Variants in PTCD1 observed in about 807,000 individuals in gnomAD.
PTCD1 encodes the protein pentatricopeptide repeat domain 1, also known as pentatricopeptide repeat-containing protein 1, mitochondrial.
A neutral mutation model predicts 53.4 loss-of-function variants in PTCD1; 50 were observed. That is an observed-to-expected ratio of 0.94 (90% CI 0.75 to 1.19). The LOEUF is 1.19. Ranked by LOEUF, PTCD1 falls within the 50% of genes most tolerant of loss-of-function variation. PTCD1 has a pLI of 0.00. For synonymous variants in PTCD1, 413 were observed against 394.8 expected (o/e 1.05, Z -0.55); for missense variants, 918 against 904.8 (o/e 1.01, Z -0.19).
intron 2 of PTCD1, among the ~76,000 whole-genome samples, chr7:99,434,546 A>C (rs1796386135): frequency 6.7e-6 from 1 of 148,898 alleles, no homozygotes; most frequent in Non-Finnish European, 1.5e-5. Flanking sequence ...TCTGTGACTC[A>C]GGCTGGAGTC....
chr7:99,428,355 A>ATCGC (rs1796131995), intron 5 of PTCD1, among the ~76,000 whole-genome samples: 1 of 150,202 alleles, frequency 6.7e-6, no homozygotes. Flanking sequence ...GTGAGCCGAG[A>ATCGC]TCATGCCACT....
intron 4 of PTCD1, 112 bp from the exon 5 acceptor site, chr7:99,429,316 G>T: frequency 7.1e-7 from 1 of 1,400,372 alleles, no homozygotes. Flanking sequence ...ATCACTTGAG[G>T]CCAGGAGTTT....
At chr7:99,432,158 C>T (rs1359346585) in intron 3 of PTCD1, among the ~76,000 whole-genome samples, 1 of 152,156 alleles carries the variant, frequency 6.6e-6, no homozygotes, top group East Asian at 1.9e-4. Flanking sequence ...CTGACTGTCT[C>T]CCAGCCTGTC....
rs1027670847 is a variant in PTCD1 at position 99,425,512 on chromosome 7, G to A, written c.1020C>T (p.Ala340=). 1.9e-6 allele frequency: 3 copies of A among 1,612,454 alleles called. No individual in the cohort carries two copies. The highest frequency in any genetic ancestry group is 1.3e-5 in the African/African-American group (1 of 75,034). The part of the protein sequence containing the change: ...RDCGLGDPQV[A]SELLLKPREE... ...CCCTGGGCTTCAGAAGCAGCTCTGA[G>A]GCCACCTGGGGGTCCCCTAGGCCAC... The change falls in exon 6 of 8, where the codon GCC becomes GCT. Residue 340 remains alanine, a synonymous_variant. Transcript: ENST00000292478.
At chr7:99,423,437 G>A (rs2150948238) in intron 7 of PTCD1, among the ~76,000 whole-genome samples, 1 of 152,226 alleles carries the variant, frequency 6.6e-6, no homozygotes, top group Middle Eastern at 3.4e-3. Context: ...ATGTCTGAGG[G>A]CCACTTAAGC....
intron 5 of PTCD1, among the ~76,000 whole-genome samples, chr7:99,425,937 A>G (rs1795996820): frequency 6.6e-6 from 1 of 152,150 alleles, no homozygotes; most frequent in Non-Finnish European, 1.5e-5. Context: ...GTGGTATTGC[A>G]TGCCCACAGT....
At chr7:99,428,663 C>T (rs1176101848) in intron 5 of PTCD1, among the ~76,000 whole-genome samples, 1 of 151,796 alleles carries the variant, frequency 6.6e-6, no homozygotes, top group Non-Finnish European at 1.5e-5. Context: ...ATCGCGTGAA[C>T]CTGGGAGGCG....
Position 99,417,511 on chromosome 7 carries a change from G to C in PTCD1, c.*2456C>G. Reference sequence around the variant, plus strand: ...GGAAAAAGCAAGGATATGAGAACTTGTGCTGCCTGCGGTGCATTCAGACAC... The same window carrying C: ...GGAAAAAGCAAGGATATGAGAACTTCTGCTGCCTGCGGTGCATTCAGACAC... On this transcript the variant is annotated 3_prime_UTR_variant, in exon 8 of 8. Coordinates refer to ENST00000292478, the MANE Select transcript of PTCD1 (RefSeq NM_015545.4). The C allele has an allele frequency of 3.1e-6, 5 of 1,611,700 alleles. No individual in the cohort carries two copies. Among genetic ancestry groups the C allele is most frequent in the Non-Finnish European group, 4.2e-6 (5 of 1,178,322 alleles).
intron 3 of PTCD1, among the ~76,000 whole-genome samples, chr7:99,431,719 C>T (rs1047659320): frequency 6.6e-5 from 10 of 151,864 alleles, no homozygotes; most frequent in South Asian, 4.2e-4. Flanking sequence ...CCAGCCTGGG[C>T]GACAGAGCGA....
Position 99,429,124 on chromosome 7 carries a change from T to C in PTCD1, c.894A>G (p.Thr298=). 6.2e-7 allele frequency: 1 copy of C among 1,614,146 alleles called. No individual in the cohort carries two copies. Among genetic ancestry groups the C allele is most frequent in the South Asian group, 1.1e-5 (1 of 91,078 alleles). Residue 298 remains threonine (T), a synonymous_variant, in exon 5 of 8, where the codon ACA becomes ACG. Coordinates refer to ENST00000292478, the MANE Select transcript of PTCD1 (RefSeq NM_015545.4). ...LLMGCIQDKK[T]GFRYALQVWR... The stretch of plus-strand genomic sequence containing the variant: ...ATACCTGGAGGGCGTACCGGAAGCC[T>C]GTCTTCTTGTCTTGGATGCAGCCCA...
chr7:99,437,365 C>G (rs964401005), intron 1 of PTCD1, among the ~76,000 whole-genome samples: 1 of 151,366 alleles, frequency 6.6e-6, no homozygotes, highest in Non-Finnish European at 1.5e-5. Flanking sequence ...TGTCCTCAGG[C>G]GTGACCTCGG....
chr7:99,427,736 G>A (rs1796111250), intron 5 of PTCD1, among the ~76,000 whole-genome samples: 1 of 151,902 alleles, frequency 6.6e-6, no homozygotes, highest in South Asian at 2.1e-4. Flanking sequence ...AGACATGGGA[G>A]ACTTTTCATT....
chr7:99,423,327 T>G (rs1251466081), intron 7 of PTCD1, among the ~76,000 whole-genome samples: 2 of 151,948 alleles, frequency 1.3e-5, no homozygotes, highest in African/African-American at 2.4e-5. Flanking sequence ...GGGCTGCCCA[T>G]GAGCACATGA....
intron 1 of PTCD1, among the ~76,000 whole-genome samples, chr7:99,437,655 C>T (rs1796536451): frequency 6.6e-6 from 1 of 152,094 alleles, no homozygotes; most frequent in Admixed American, 6.6e-5. Flanking sequence ...GCTTAAGATA[C>T]CACCTTGTAG....
intron 1 of PTCD1, among the ~76,000 whole-genome samples, chr7:99,438,068 A>G (rs1385170816): frequency 1.3e-5 from 2 of 152,136 alleles, no homozygotes; most frequent in South Asian, 2.1e-4. Context: ...TATACTTCAC[A>G]TAGAGAAAAA....
chr7:99,431,076 C>T (rs1796231407), intron 3 of PTCD1, among the ~76,000 whole-genome samples: 1 of 150,920 alleles, frequency 6.6e-6, no homozygotes, highest in Non-Finnish European at 1.5e-5. Flanking sequence ...ACTCCCGTCT[C>T]AAAAAAATAA....
In PTCD1 at chr7:99,417,683, G is replaced by A. The variant is rs1340430283; in HGVS notation, c.*2284C>T. ...AAGGGATCTTATGTTATTTGGTTGG[G>A]CTGGAATGTCGTTTTGTCCCTGGAT... On this transcript the variant is annotated 3_prime_UTR_variant, in exon 8 of 8. Transcript: ENST00000292478. The A allele has an allele frequency of 6.4e-7, 1 of 1,568,584 alleles. No individual in the cohort carries two copies. The highest frequency in any genetic ancestry group is 8.6e-7 in the Non-Finnish European group (1 of 1,163,200).
chr7:99,423,961 G>A lies in PTCD1; in HGVS notation c.1738-4C>T. 1 of 1,613,974 alleles carries A rather than the reference G, an allele frequency of 6.2e-7. No individual in the cohort carries two copies. The highest frequency in any genetic ancestry group is 8.5e-7 in the Non-Finnish European group (1 of 1,179,920). On this transcript the variant is annotated splice_region_variant and splice_polypyrimidine_tract_variant and intron_variant, in intron 6 of 7. Transcript: ENST00000292478. ...TGTTGGGGGTCACCTGGGACTTCTAGAACACAGGGACATCGTAGAATCAAG... is the reference window on the plus strand; with the variant it reads ...TGTTGGGGGTCACCTGGGACTTCTAAAACACAGGGACATCGTAGAATCAAG...
intron 7 of PTCD1, among the ~76,000 whole-genome samples, chr7:99,421,503 G>C (rs1465459376): frequency 6.6e-6 from 1 of 151,454 alleles, no homozygotes; most frequent in Non-Finnish European, 1.5e-5. Flanking sequence ...CCAGCACTTT[G>C]GGAGGCTGGG....
Sources: gnomAD v4.1 joint callset for allele counts (sites outside exome capture counted in the v4.1 genomes callset) on GRCh38, gnomAD v4.1.1 for gene constraint, MANE v1.5 for transcripts, NCBI Gene and HGNC (gene_info 2026-07-23, HGNC 2026-07-21) for gene names.